The following FAM81B variants were observed in gnomAD, a reference collection of about 807,000 sequenced individuals.
FAM81B encodes the protein protein FAM81B.
FAM81B carries 60 observed loss-of-function variants against 58.7 expected under a neutral mutation model. The observed-to-expected ratio is 1.02, with a 90% CI of 0.83 to 1.27. The LOEUF (loss-of-function observed/expected upper bound fraction) is 1.27, where lower values mean the gene tolerates loss of function less well. Ranked by LOEUF, FAM81B falls within the 50% of genes most tolerant of loss-of-function variation. The probability of loss-of-function intolerance (pLI) is 0.00; values close to 1 mark genes in which losing one functional copy is unlikely to be tolerated. For synonymous variants in FAM81B, 189 were observed against 179.6 expected (o/e 1.05, Z -0.42); for missense variants, 491 against 522.0 (o/e 0.94, Z 0.58).
chr5:95,417,405 T>A (rs1762565383), intron 4 of FAM81B, among the ~76,000 whole-genome samples: 1 of 152,166 alleles, frequency 6.6e-6, no homozygotes, highest in African/African-American at 2.4e-5. Flanking sequence ...ACAACTGTGA[T>A]CCCAGTGGTT....
intron 5 of FAM81B, among the ~76,000 whole-genome samples, chr5:95,426,943 G>A (rs1762855780): frequency 6.6e-6 from 1 of 152,202 alleles, no homozygotes; most frequent in Non-Finnish European, 1.5e-5. Context: ...TAGCTACTCG[G>A]GAGGGTGAGG....
At chr5:95,395,990 C>T in intron 2 of FAM81B, 121 bp from the exon 3 acceptor site, 1 of 703,820 alleles carries the variant, frequency 1.4e-6, no homozygotes, top group South Asian at 2.0e-5. Context: ...ATTAACTGAG[C>T]TGATTATCTG....
At chr5:95,448,193 T>C in intron 8 of FAM81B, 76 bp from the exon 9 acceptor site, 2 of 1,364,390 alleles carry the variant, frequency 1.5e-6, no homozygotes, top group Non-Finnish European at 2.0e-6. Context: ...AAAATGAATG[T>C]TAAAAATATT....
At position 95,436,918 on chromosome 5, in the gene FAM81B, G is replaced by A; in HGVS notation, c.893+12G>A. 6.3e-7 allele frequency: 1 copy of A among 1,595,144 alleles called. No individual in the cohort carries two copies. The highest frequency in any genetic ancestry group is 8.6e-7 in the Non-Finnish European group (1 of 1,162,880). ...CTTTTGGAATTCAAGTAAGTGAATA[G>A]AAGATTTTTAATTCTGTTAAGTGCA... On this transcript the variant is annotated intron_variant, in intron 7 of 9. Coordinates refer to ENST00000283357, the MANE Select transcript of FAM81B (RefSeq NM_152548.3).
rs960008314 is a variant in FAM81B at position 95,398,743 on chromosome 5, C to T, written c.293+2568C>T. On this transcript the variant is annotated intron_variant, in intron 3 of 9. Coordinates refer to ENST00000283357, the MANE Select transcript of FAM81B (RefSeq NM_152548.3). The stretch of plus-strand genomic sequence containing the variant: ...AGAAATGAATTATTAGATAGCTGGC[C>T]GGGGTAGGCCTCATTAAGAATCTGA... 3.9e-5 allele frequency among the ~76,000 whole-genome samples: 6 copies of T among 152,088 alleles called. No homozygotes were observed. The East Asian group carries it at 7.7e-4, about 19-fold the overall frequency.
At chr5:95,423,907 A>C in intron 5 of FAM81B, 1 of 732,696 alleles carries the variant, frequency 1.4e-6, no homozygotes, top group Non-Finnish European at 2.0e-6. Context: ...GGCAAAATGG[A>C]ATCAAGCAGC....
intron 6 of FAM81B, among the ~76,000 whole-genome samples, chr5:95,432,554 A>AT (rs1195542057): frequency 6.6e-6 from 1 of 151,776 alleles, no homozygotes; most frequent in African/African-American, 2.4e-5. Context: ...TTTTATATTT[A>AT]TTTTTTTGAG....
At chr5:95,391,539 T>C (rs748145450) in intron 1 of FAM81B, 26 bp downstream of exon 1, 5 of 1,582,070 alleles carry the variant, frequency 3.2e-6, no homozygotes, top group Non-Finnish European at 3.4e-6. Flanking sequence ...TCGAGGTCTC[T>C]AAATTTCTCC....
At chr5:95,425,146 C>T (rs6556868) in intron 5 of FAM81B, among the ~76,000 whole-genome samples, 28,760 of 150,496 alleles carry the variant, frequency 0.19, 2,796 homozygotes, top group African/African-American at 0.2. Flanking sequence ...TAATAGAAGG[C>T]CCTGAAGAAG....
intron 5 of FAM81B, among the ~76,000 whole-genome samples, chr5:95,425,775 T>C (rs1762807573): frequency 6.6e-6 from 1 of 152,138 alleles, no homozygotes. Context: ...TTTTTTTAAA[T>C]GTTGAAGGCA....
intron 2 of FAM81B, among the ~76,000 whole-genome samples, chr5:95,395,723 T>C (rs574118744): frequency 1.3e-5 from 2 of 152,292 alleles, no homozygotes; most frequent in Admixed American, 1.3e-4. Flanking sequence ...CGGGGCTTTG[T>C]GTTTGAAAAT....
rs1052638746 is a variant in FAM81B, at chr5:95,448,426, G to T, written c.1187G>T (p.Trp396Leu). Residue 396 changes from tryptophan (W) to leucine (L), a missense_variant, in exon 9 of 10, where the codon TGG becomes TTG. Coordinates refer to ENST00000283357, the MANE Select transcript of FAM81B (RefSeq NM_152548.3). ...ATGGAACAAATGGAAAAGCAGATCTGGGGTGAATTAGAGACAATGCAGAAT... is the reference window on the plus strand; with the variant it reads ...ATGGAACAAATGGAAAAGCAGATCTTGGGTGAATTAGAGACAATGCAGAAT... Reference protein sequence around the residue: ...KKMEQMEKQIWGELETMQNEY... With the variant: ...KKMEQMEKQILGELETMQNEY... 2 of 1,610,286 alleles carry T rather than the reference G, an allele frequency of 1.2e-6. No individual in the cohort carries two copies. Among genetic ancestry groups the T allele is most frequent in the African/African-American group, 2.7e-5 (2 of 74,642 alleles).
At chr5:95,423,136 G>A (rs1363673955) in intron 5 of FAM81B, among the ~76,000 whole-genome samples, 1 of 145,558 alleles carries the variant, frequency 6.9e-6, no homozygotes, top group African/African-American at 2.6e-5. Context: ...TGAGCATTTT[G>A]GCATAAGTAA....
At chr5:95,428,453 AAG>A in intron 5 of FAM81B, 148 bp from the exon 6 acceptor site, 1 of 934,830 alleles carries the variant, frequency 1.1e-6, no homozygotes, top group Non-Finnish European at 1.5e-6. Flanking sequence ...AAAATGAAGA[AAG>A]AGATTCCTGA....
chr5:95,438,219 G>C (rs1287307051), intron 7 of FAM81B, among the ~76,000 whole-genome samples: 1 of 152,180 alleles, frequency 6.6e-6, no homozygotes, highest in Non-Finnish European at 1.5e-5. Flanking sequence ...GTCTAAGAAA[G>C]CATTTCTACT....
intron 3 of FAM81B, among the ~76,000 whole-genome samples, chr5:95,412,679 G>A (rs1156435080): frequency 6.6e-6 from 1 of 152,078 alleles, no homozygotes; most frequent in Non-Finnish European, 1.5e-5. Flanking sequence ...TCATGGTTTG[G>A]GGATTCTACT....
intron 2 of FAM81B, among the ~76,000 whole-genome samples, chr5:95,395,361 T>A (rs993839477): frequency 2.0e-5 from 3 of 146,462 alleles, no homozygotes; most frequent in African/African-American, 7.7e-5. Flanking sequence ...GAGACTGGTG[T>A]GAACCCGGGA....
At chr5:95,428,301 T>C (rs931648753) in intron 5 of FAM81B, among the ~76,000 whole-genome samples, 2 of 152,188 alleles carry the variant, frequency 1.3e-5, no homozygotes, top group Non-Finnish European at 2.9e-5. Flanking sequence ...CTATAACTCC[T>C]ATGACTAAGT....
chr5:95,430,143 T>C (rs1744812695), intron 6 of FAM81B, among the ~76,000 whole-genome samples: 1 of 152,124 alleles, frequency 6.6e-6, no homozygotes, highest in Non-Finnish European at 1.5e-5. Context: ...CTATAATTCC[T>C]CTCTGTTTAG....
Sources: allele counts gnomAD v4.1 joint callset (sites outside exome capture counted in the v4.1 genomes callset), GRCh38; gene constraint gnomAD v4.1.1; transcripts MANE v1.5; gene names NCBI Gene and HGNC (gene_info 2026-07-23, HGNC 2026-07-21).